Variants in SAXO1 observed in about 807,000 individuals in gnomAD.
SAXO1 encodes 4930500O09Rik.
SAXO1 carries 21 observed loss-of-function variants against 17.5 expected under a neutral mutation model. The observed-to-expected ratio is 1.20, with a 90% CI of 0.85 to 1.72. SAXO1 has a LOEUF of 1.72. SAXO1 is among the 40% of genes most tolerant of loss of function. The pLI is 0.00. For synonymous variants in SAXO1, 274 were observed against 216.5 expected (o/e 1.27, Z -2.33); for missense variants, 843 against 596.0 (o/e 1.41, Z -4.32).
chr9:19,027,922 C>G lies in SAXO1; in HGVS notation c.38+4949G>C. 2.8e-6 allele frequency: 4 copies of G among 1,405,014 alleles called. No individual in the cohort carries two copies. The East Asian group carries it at 9.2e-5, about 32-fold the overall frequency. The allele number at this position is 1,405,014 out of a possible 1,614,324, so 87.0% of individuals were successfully genotyped here. ...TGGGCCAGAATCATGCAGATCCACT[C>G]CCAAAAGATGAACGTCAGTCCTGAC... On this transcript the variant is annotated intron_variant, in intron 1 of 3. Transcript: ENST00000380534.
chr9:18,934,236 A>G (rs1402595873), intron 3 of SAXO1, among the ~76,000 whole-genome samples: 1 of 152,152 alleles, frequency 6.6e-6, no homozygotes, highest in Admixed American at 6.5e-5. Flanking sequence ...TTTTTCATAA[A>G]ATTTGGCAAC....
chr9:18,928,650 T>C lies in SAXO1; in HGVS notation c.827A>G (p.Asp276Gly). 6.2e-7 allele frequency: 1 copy of C among 1,614,072 alleles called. No homozygotes were observed. Among genetic ancestry groups the C allele is most frequent in the Non-Finnish European group, 8.5e-7 (1 of 1,180,014 alleles). ...GGGCATTGGCCAAGCTTGGTACTTA[T>C]CTCGAAACTCAGTGGTGTTACAGAA... ...MPFCNTTEFR[D>G]KYQAWPMPRM... Residue 276 changes from aspartate (D) to glycine (G), a missense_variant, in exon 4 of 4, where the codon GAT (aspartate) becomes GGT (glycine). Asp to Gly is a moderately conservative substitution (Grantham distance 94). Coordinates refer to ENST00000380534, the MANE Select transcript of SAXO1 (RefSeq NM_153707.4).
chr9:18,965,305 T>A (rs144772301), intron 1 of SAXO1, among the ~76,000 whole-genome samples: 1 of 152,362 alleles, frequency 6.6e-6, no homozygotes, highest in East Asian at 1.9e-4. Flanking sequence ...AAGTCCTGAA[T>A]ATCCTTGTTA....
intron 1 of SAXO1, among the ~76,000 whole-genome samples, chr9:19,022,030 A>G (rs1262211613): frequency 2.0e-5 from 3 of 152,228 alleles, no homozygotes; most frequent in Admixed American, 1.3e-4. Flanking sequence ...TTTGCTCTTC[A>G]CAATAAATCT....
intron 1 of SAXO1, among the ~76,000 whole-genome samples, chr9:19,000,966 T>TA (rs2130957290): frequency 6.6e-6 from 1 of 152,282 alleles, no homozygotes; most frequent in South Asian, 2.1e-4. Context: ...CAAAGACACT[T>TA]AGACTCCCAC....
chr9:19,011,848 G>GTTTTTTT (rs10646825), intron 1 of SAXO1, among the ~76,000 whole-genome samples: 2 of 143,518 alleles, frequency 1.4e-5, no homozygotes, highest in African/African-American at 2.6e-5. Flanking sequence ...ATTAAGCATA[G>GTTTTTTT]ATTTTTTTTT....
intron 1 of SAXO1, among the ~76,000 whole-genome samples, chr9:18,967,390 T>A (rs1489216685): frequency 7.1e-6 from 1 of 141,388 alleles, no homozygotes; most frequent in Non-Finnish European, 1.5e-5. Context: ...AGATGGGAGT[T>A]TTATCTATAG....
intron 1 of SAXO1, among the ~76,000 whole-genome samples, chr9:19,016,415 G>A (rs766625646): frequency 2.7e-5 from 4 of 149,980 alleles, no homozygotes; most frequent in Non-Finnish European, 4.4e-5. Context: ...CAGCATGGGC[G>A]ACAGAGCAAG....
chr9:19,036,946 GCCACAGGGGAGGAGCTGTCCAAGA>G (rs1345668625), upstream of SAXO1, among the ~76,000 whole-genome samples: 1 of 152,204 alleles, frequency 6.6e-6, no homozygotes, highest in Non-Finnish European at 1.5e-5. Flanking sequence ...ACCCTGGAAA[GCCACAGGGGAGGAGCTGTCCAAGA>G]CCATGGGAAT....
chr9:18,967,877 T>C (rs559305344), intron 1 of SAXO1, among the ~76,000 whole-genome samples: 5 of 152,208 alleles, frequency 3.3e-5, no homozygotes, highest in Admixed American at 2.6e-4. Flanking sequence ...CCTGGTGGTA[T>C]AGGCACACAA....
At chr9:18,992,152 T>C (rs1032558128) in intron 1 of SAXO1, among the ~76,000 whole-genome samples, 1 of 152,192 alleles carries the variant, frequency 6.6e-6, no homozygotes, top group African/African-American at 2.4e-5. Flanking sequence ...CCCCACTACA[T>C]ATCACTTTCC....
At chr9:18,936,228 A>C (rs1234216266) in intron 3 of SAXO1, among the ~76,000 whole-genome samples, 1 of 152,222 alleles carries the variant, frequency 6.6e-6, no homozygotes, top group East Asian at 1.9e-4. Context: ...CTATTTATCT[A>C]AAATTGGCTT....
At chr9:18,973,496 C>G (rs1301739912) in intron 1 of SAXO1, among the ~76,000 whole-genome samples, 1 of 152,226 alleles carries the variant, frequency 6.6e-6, no homozygotes, top group Non-Finnish European at 1.5e-5. Flanking sequence ...TGCACACACA[C>G]AGGAATCTCA....
Position 19,032,936 on chromosome 9 carries a change from C to G in SAXO1, c.-28G>C. On this transcript the variant is annotated 5_prime_UTR_variant, in exon 1 of 4. Transcript: ENST00000380534. ...GGGCGATCCTGAGGCCCTGACGTCC[C>G]CTCAGAGCATCGCCAGCTGCAGCCG... is the stretch of plus-strand genomic sequence containing the variant. The G allele has an allele frequency of 6.2e-7, 1 of 1,601,056 alleles. No homozygotes were observed. Among genetic ancestry groups the G allele is most frequent in the Non-Finnish European group, 8.5e-7 (1 of 1,176,380 alleles).
At chr9:18,929,493 C>CA (rs1307814956) in intron 3 of SAXO1, among the ~76,000 whole-genome samples, 1 of 152,214 alleles carries the variant, frequency 6.6e-6, no homozygotes, top group Non-Finnish European at 1.5e-5. Context: ...GGTGGGCCAC[C>CA]AGCCAGATGA....
chr9:18,929,021 C>T lies in SAXO1; in HGVS notation c.456G>A (p.Glu152=), dbSNP rs754908911. 5 of 1,614,012 alleles carry T rather than the reference C, an allele frequency of 3.1e-6. No homozygotes were observed. Among genetic ancestry groups the T allele is most frequent in the African/African-American group, 1.3e-5 (1 of 74,892 alleles). ...GGTATTTGTGTTCCAGACGAAGTGG[C>T]TCTCGCCTTGGTTGGTTCCAAGGCA... ...DYLPWNQPRR[E]PLRLEHKYQP... is the part of the protein sequence containing the mutation. Residue 152 remains glutamate (E), a synonymous_variant, in exon 4 of 4, where the codon GAG becomes GAA. Transcript: ENST00000380534.
chr9:18,950,594 G>T (rs1433583421), intron 2 of SAXO1, among the ~76,000 whole-genome samples, 164 bp downstream of exon 2: 1 of 152,128 alleles, frequency 6.6e-6, no homozygotes, highest in African/African-American at 2.4e-5. Flanking sequence ...ATAAATGCAG[G>T]ATATTCCTTC....
At chr9:18,948,134 G>A (rs1563936480) in intron 2 of SAXO1, among the ~76,000 whole-genome samples, 1 of 152,180 alleles carries the variant, frequency 6.6e-6, no homozygotes, top group Non-Finnish European at 1.5e-5. Context: ...ACACTGGGCT[G>A]ACGCATCCCT....
At chr9:18,960,183 AC>A (rs1004765292) in intron 1 of SAXO1, among the ~76,000 whole-genome samples, 2 of 151,952 alleles carry the variant, frequency 1.3e-5, no homozygotes, top group African/African-American at 4.8e-5. Flanking sequence ...AATTAGAGAA[AC>A]CTCTTCAAGA....
Sources: gnomAD v4.1 joint callset for allele counts (sites outside exome capture counted in the v4.1 genomes callset) on GRCh38, gnomAD v4.1.1 for gene constraint, MANE v1.5 for transcripts, NCBI Gene and HGNC (gene_info 2026-07-23, HGNC 2026-07-21) for gene names.